Variants in DNAH17 observed in about 807,000 individuals in gnomAD.
DNAH17 encodes the protein dynein axonemal heavy chain 17.
A neutral mutation model predicts 485.6 loss-of-function variants in DNAH17; 376 were observed. The observed-to-expected ratio is 0.77, with a 90% CI of 0.71 to 0.84. The LOEUF is 0.84. Ranked by LOEUF, DNAH17 falls within the 40% of genes least tolerant of loss-of-function variation. The pLI is 0.00. For missense variants in DNAH17, 6,370 were observed against 5,839.3 expected (o/e 1.09, Z -2.96); for synonymous variants, 3,031 against 2,405.9 (o/e 1.26, Z -7.60).
intron 37 of DNAH17, among the ~76,000 whole-genome samples, chr17:78,497,257 G>A (rs1012614964): frequency 1.3e-5 from 2 of 152,112 alleles, no homozygotes; most frequent in African/African-American, 4.8e-5. Flanking sequence ...AGACAGCTGT[G>A]TCTCTCCAAG....
At position 78,492,673 on chromosome 17, in the gene DNAH17, G is replaced by T. The variant is rs1414511566; in HGVS notation, c.6501C>A (p.Leu2167=). ...LDPKAVTCDE[L]FGIINPVTRE... Reference sequence around the variant, plus strand: ...TGGTCACTGGGTTGATGATGCCAAAGAGCTCGTCGCAGGTGACGGCCTTGG... The same window carrying T: ...TGGTCACTGGGTTGATGATGCCAAATAGCTCGTCGCAGGTGACGGCCTTGG... Residue 2167 remains leucine (L), a synonymous_variant, in exon 42 of 81, where the codon CTC becomes CTA. Coordinates refer to ENST00000389840, the MANE Select transcript of DNAH17 (RefSeq NM_173628.4). 1 of 1,613,746 alleles carries T rather than the reference G, an allele frequency of 6.2e-7. No individual in the cohort carries two copies. The highest frequency in any genetic ancestry group is 8.5e-7 in the Non-Finnish European group (1 of 1,179,822).
rs774210511 is a variant in DNAH17 at position 78,495,013 on chromosome 17, C to A, written c.5988G>T (p.Leu1996=). ...TGTACAGGGTGATGAACTTCCTGGC[C>A]AGAAGGCGGGCTTCCAGAAAGCCCT... is the stretch of plus-strand genomic sequence containing the variant. ...MAEGFLEARL[L]ARKFITLYTL... The change falls in exon 39 of 81, where the codon CTG becomes CTT. Residue 1996 remains leucine, a synonymous_variant. Coordinates refer to ENST00000389840, the MANE Select transcript of DNAH17 (RefSeq NM_173628.4). 35 of 1,612,952 alleles carry A rather than the reference C, an allele frequency of 2.2e-5. No individual in the cohort carries two copies. Among genetic ancestry groups the A allele is most frequent in the Non-Finnish European group, 2.9e-5 (34 of 1,179,512 alleles).
At chr17:78,431,202 A>G (rs1433562224) in intron 75 of DNAH17, among the ~76,000 whole-genome samples, 1 of 152,130 alleles carries the variant, frequency 6.6e-6, no homozygotes, top group African/African-American at 2.4e-5. Context: ...TTTTTACTCA[A>G]AACGTTAATG....
rs759517168 is a variant in DNAH17, at chr17:78,454,556, C to T, written c.10320G>A (p.Leu3440=). ...TILGNTERWP[L]IVDAQLQGIK... ...TTCCTTGGAGCTGGGCGTCCACGAT[C>T]AGCGGCCACCGCTCGGTGTTGCCCA... The change falls in exon 64 of 81, where the codon CTG becomes CTA. Residue 3440 remains leucine, a synonymous_variant. Coordinates refer to ENST00000389840, the MANE Select transcript of DNAH17 (RefSeq NM_173628.4). 5.0e-6 allele frequency: 8 copies of T among 1,613,346 alleles called. No homozygotes were observed. The highest frequency in any genetic ancestry group is 3.3e-5 in the Admixed American group (2 of 60,006).
intron 26 of DNAH17, among the ~76,000 whole-genome samples, chr17:78,514,366 G>A (rs868823382): frequency 5.5e-4 from 84 of 152,082 alleles, no homozygotes; most frequent in African/African-American, 1.9e-3. Context: ...TTAGCTGGGT[G>A]TGGTGGTGGG....
At position 78,539,846 on chromosome 17, in the gene DNAH17, C is replaced by T. The variant is rs1436360159; in HGVS notation, c.2567G>A (p.Ser856Asn). 3.7e-6 allele frequency: 6 copies of T among 1,609,740 alleles called. No individual in the cohort carries two copies. The highest frequency in any genetic ancestry group is 5.1e-6 in the Non-Finnish European group (6 of 1,178,828). ...NAELFRADTL[S>N]LPWKDYVIYI... is the part of the protein sequence containing the mutation. ...GATGACATAATCCTTCCAGGGCAGG[C>T]TCAGTGTGTCTGCCCTGAATAGTTC... The change falls in exon 18 of 81, where the codon AGC becomes AAC. Residue 856 changes from serine to asparagine, a missense_variant. Transcript: ENST00000389840.
chr17:78,553,027 CCGA>C (rs1016912136), intron 14 of DNAH17, among the ~76,000 whole-genome samples: 71 of 152,198 alleles, frequency 4.7e-4, no homozygotes, highest in African/African-American at 1.7e-3. Context: ...GCATCACCCC[CCGA>C]TGCCGTTCTT....
intron 74 of DNAH17, 143 bp from the exon 75 acceptor site, chr17:78,434,363 A>T: frequency 2.8e-6 from 2 of 708,186 alleles, no homozygotes; most frequent in Non-Finnish European, 2.2e-6. Flanking sequence ...TGGGCTGTGC[A>T]GGTCTCTATC....
At chr17:78,524,841 G>A (rs2091023085) in intron 25 of DNAH17, among the ~76,000 whole-genome samples, 168 bp downstream of exon 25, 1 of 152,164 alleles carries the variant, frequency 6.6e-6, no homozygotes, top group Admixed American at 6.5e-5. Context: ...TTTAGCGGAG[G>A]GACCCCACCT....
rs1258874483 is a variant in DNAH17 at position 78,439,120 on chromosome 17, A to G, written c.11775T>C (p.Ala3925=). 1 of 1,613,578 alleles carries G rather than the reference A, an allele frequency of 6.2e-7. No homozygotes were observed. Residue 3925 remains alanine (A), a synonymous_variant, in exon 73 of 81, where the codon GCT becomes GCC. Coordinates refer to ENST00000389840, the MANE Select transcript of DNAH17 (RefSeq NM_173628.4). ...EVVAENALDV[A]AEKGHWVILQ... ...GAATGACCCAGTGTCCTTTCTCTGC[A>G]GCCACGTCCAGGGCGTTCTCAGCCA...
rs778533373 is a variant in DNAH17, at chr17:78,505,478, C to T, written c.4804-33G>A. The T allele has an allele frequency of 2.0e-5, 33 of 1,613,408 alleles. No individual in the cohort carries two copies. In the Middle Eastern group the frequency reaches 6.6e-4, roughly 32 times the overall value. On this transcript the variant is annotated intron_variant, in intron 30 of 80. Coordinates refer to ENST00000389840, the MANE Select transcript of DNAH17 (RefSeq NM_173628.4). ...GAGGCAAGAAGCGGGAATTATGCAACGGGGGATTTGAAAGGCATGTGCGTG... is the reference window on the plus strand; with the variant it reads ...GAGGCAAGAAGCGGGAATTATGCAATGGGGGATTTGAAAGGCATGTGCGTG...
chr17:78,460,742 G>A (rs1032712193), intron 58 of DNAH17, among the ~76,000 whole-genome samples: 4 of 152,114 alleles, frequency 2.6e-5, no homozygotes, highest in Admixed American at 6.6e-5. Flanking sequence ...GGGGAAATCC[G>A]GGGGCCACTG....
chr17:78,494,770 G>A lies in DNAH17; in HGVS notation c.6093C>T (p.Ala2031=), dbSNP rs757258229. 3.7e-5 allele frequency: 60 copies of A among 1,613,170 alleles called. No individual in the cohort carries two copies. The highest frequency in any genetic ancestry group is 1.6e-4 in the Middle Eastern group (1 of 6,080). ...TGGGGTCGCCCCTCTTCAGGGAGCC[G>A]GCCACCACCAGCACAGACTTGATGG... ...LRAIKSVLVV[A]GSLKRGDPSR... Residue 2031 remains alanine (A), a synonymous_variant, in exon 40 of 81, where the codon GCC becomes GCT. Transcript: ENST00000389840.
chr17:78,432,842 AGC>A (rs753600539), intron 75 of DNAH17, among the ~76,000 whole-genome samples: 6 of 148,648 alleles, frequency 4.0e-5, no homozygotes, highest in Non-Finnish European at 8.9e-5. Flanking sequence ...AAGCAGGCTT[AGC>A]GGTCCAGTGA....
chr17:78,545,162 T>C (rs2091724664), intron 16 of DNAH17, among the ~76,000 whole-genome samples: 1 of 152,190 alleles, frequency 6.6e-6, no homozygotes, highest in Admixed American at 6.5e-5. Context: ...CTCCCTCCTC[T>C]GGCCAGTGTT....
At chr17:78,573,946 C>G (rs1030624629) in intron 2 of DNAH17, among the ~76,000 whole-genome samples, 1 of 152,150 alleles carries the variant, frequency 6.6e-6, no homozygotes, top group Non-Finnish European at 1.5e-5. Context: ...CCCCCACCTA[C>G]ACAGCACCTG....
intron 73 of DNAH17, among the ~76,000 whole-genome samples, 192 bp downstream of exon 73, chr17:78,438,898 C>T (rs929950379): frequency 3.3e-5 from 5 of 152,306 alleles, no homozygotes; most frequent in South Asian, 4.1e-4. Context: ...GCAGTCATGG[C>T]GTGCCACACC....
At chr17:78,467,641 G>A (rs142644069) in intron 55 of DNAH17, among the ~76,000 whole-genome samples, 54 of 152,280 alleles carry the variant, frequency 3.5e-4, no homozygotes, top group East Asian at 1.4e-3. Context: ...TTGGCACCCC[G>A]CAAAGGGCAG....
intron 18 of DNAH17, among the ~76,000 whole-genome samples, chr17:78,537,787 G>T (rs537336493): frequency 6.6e-6 from 1 of 152,238 alleles, no homozygotes; most frequent in Non-Finnish European, 1.5e-5. Context: ...GCCTTGGGGA[G>T]TCACTTAACT....
Sources: allele counts gnomAD v4.1 joint callset (sites outside exome capture counted in the v4.1 genomes callset), GRCh38; gene constraint gnomAD v4.1.1; transcripts MANE v1.5; gene names NCBI Gene and HGNC (gene_info 2026-07-23, HGNC 2026-07-21).